CNTNAP3: variants seen among roughly 807,000 people sequenced by gnomAD.
The protein encoded by CNTNAP3 is contactin-associated protein-like 3.
CNTNAP3 carries 36 observed loss-of-function variants against 92.1 expected under a neutral mutation model. The ratio of observed to expected loss-of-function variants is 0.39; its 90% CI spans 0.30 to 0.52. The LOEUF (loss-of-function observed/expected upper bound fraction) is 0.52, where lower values mean the gene tolerates loss of function less well. CNTNAP3 is among the 20% of genes least tolerant of loss of function. The pLI, the probability that CNTNAP3 is intolerant of heterozygous loss-of-function variation, is 0.76. For synonymous variants in CNTNAP3, 232 were observed against 422.3 expected, an observed-to-expected ratio of 0.55 and a Z score of 5.53; for missense variants, 534 against 1,069.6, an observed-to-expected ratio of 0.50 and a Z score of 6.98.
chr9:39,133,008 G>T lies in CNTNAP3; in HGVS notation c.2004C>A (p.Ser668=). 1.3e-6 allele frequency: 2 copies of T among 1,539,736 alleles called. No homozygotes were observed. Among genetic ancestry groups the T allele is most frequent in the Non-Finnish European group, 1.7e-6 (2 of 1,150,490 alleles). ...AYAAGAGQLR[S]AVNLAERCEQ... ...CGCAGCGCTCCGCCAGGTTCACCGC[G>T]GACCGCAGCTGCCCCGCGCCCGCTG... is the stretch of plus-strand genomic sequence containing the variant. The change falls in exon 13 of 24, where the codon TCC becomes TCA. Residue 668 remains serine (S), a synonymous_variant. Transcript: ENST00000297668.
chr9:39,134,205 T>C (rs1821371902), intron 12 of CNTNAP3, among the ~76,000 whole-genome samples: 1 of 152,082 alleles, frequency 6.6e-6, no homozygotes, highest in Admixed American at 6.5e-5. Flanking sequence ...AATATCTCTT[T>C]AGTCACAGAA....
chr9:39,104,257 T>C (rs531477366), intron 15 of CNTNAP3, among the ~76,000 whole-genome samples: 1 of 152,072 alleles, frequency 6.6e-6, no homozygotes, highest in Non-Finnish European at 1.5e-5. Context: ...CTCGGTAAGA[T>C]GTGAGAAGAA....
chr9:39,137,478 G>T (rs1425654020), intron 12 of CNTNAP3, among the ~76,000 whole-genome samples: 1 of 151,886 alleles, frequency 6.6e-6, no homozygotes, highest in African/African-American at 2.4e-5. Context: ...TAATTCCAAT[G>T]TCCCTGCCAT....
chr9:39,088,048 A>G (rs2118426557), intron 19 of CNTNAP3, among the ~76,000 whole-genome samples: 1 of 152,266 alleles, frequency 6.6e-6, no homozygotes. Flanking sequence ...CATCCACATA[A>G]ATGCTCCTCT....
At chr9:39,098,149 T>C (rs1243518050) in intron 18 of CNTNAP3, among the ~76,000 whole-genome samples, 3 of 146,312 alleles carry the variant, frequency 2.1e-5, no homozygotes, top group Admixed American at 2.0e-4. Flanking sequence ...ACTGTCTGGA[T>C]AGAAAGGCTA....
intron 14 of CNTNAP3, among the ~76,000 whole-genome samples, chr9:39,115,753 A>C (rs12352235): frequency 0.015 from 2,220 of 152,074 alleles, 65 homozygotes; most frequent in African/African-American, 0.05. Context: ...ACGGTGCTGA[A>C]GTGACATGGC....
intron 14 of CNTNAP3, 102 bp from the exon 15 acceptor site, chr9:39,109,389 T>C (rs1826688319): frequency 1.3e-6 from 2 of 1,516,154 alleles, no homozygotes; most frequent in Non-Finnish European, 1.8e-6. Flanking sequence ...TCATAGAGCT[T>C]AACAGAATAC....
intron 13 of CNTNAP3, among the ~76,000 whole-genome samples, chr9:39,123,255 C>T (rs559906659): frequency 1.5e-3 from 221 of 151,916 alleles, no homozygotes; most frequent in African/African-American, 4.7e-3. Flanking sequence ...CCACCACGCC[C>T]GGCTAATTTT....
At chr9:39,146,173 T>C (rs1352904829) in intron 10 of CNTNAP3, among the ~76,000 whole-genome samples, 1 of 152,036 alleles carries the variant, frequency 6.6e-6, no homozygotes, top group African/African-American at 2.4e-5. Context: ...AGGAAGTAGC[T>C]AGCATGCAGA....
Position 39,100,825 on chromosome 9 carries a change from G to C in CNTNAP3, c.2756-675C>G, listed in dbSNP as rs534129098. Among the ~76,000 whole-genome samples, 117 of 149,086 alleles carry C rather than the reference G, an allele frequency of 7.8e-4. 1 individual carries two copies. The highest frequency in any genetic ancestry group is 2.7e-3 in the African/African-American group (110 of 40,750). On this transcript the variant is annotated intron_variant, in intron 17 of 23. Transcript: ENST00000297668. ...TAGAGAGGTTTACAACACCTGTGTA[G>C]TGACAAACACCATTATGAAGGCGAC...
intron 18 of CNTNAP3, among the ~76,000 whole-genome samples, chr9:39,091,171 C>CTTTTTTTTTTTTTTTT (rs201329360): frequency 2.3e-5 from 3 of 128,504 alleles, no homozygotes; most frequent in African/African-American, 5.7e-5. Flanking sequence ...TTTTCTTCTT[C>CTTTTTTTTTTTTTTTT]TTTTTTTTTT....
chr9:39,090,899 C>CTTTTGTTAAATGTATTGTA (rs1485379415), intron 18 of CNTNAP3, among the ~76,000 whole-genome samples: 1 of 152,238 alleles, frequency 6.6e-6, no homozygotes, highest in Non-Finnish European at 1.5e-5. Flanking sequence ...TTTTCCATTT[C>CTTTTGTTAAATGTATTGTA]TTTTGTTAAA....
intron 14 of CNTNAP3, among the ~76,000 whole-genome samples, chr9:39,114,065 TATAC>T (rs1243766555): frequency 1.1e-4 from 16 of 145,714 alleles, no homozygotes; most frequent in East Asian, 6.3e-4. Context: ...CATATATATA[TATAC>T]ACACACACAT....
At chr9:39,130,497 T>C (rs1486823204) in intron 13 of CNTNAP3, among the ~76,000 whole-genome samples, 1 of 126,286 alleles carries the variant, frequency 7.9e-6, no homozygotes, top group African/African-American at 2.8e-5. Flanking sequence ...GAGGAATTCT[T>C]TTTTTTTTTT....
chr9:39,113,576 T>C (rs1380850606), intron 14 of CNTNAP3, among the ~76,000 whole-genome samples: 3 of 151,932 alleles, frequency 2.0e-5, no homozygotes. Context: ...TCTGCCAGGT[T>C]TGTTTCTTTT....
rs938695311 is a variant in CNTNAP3, at chr9:39,098,124, A to C, written c.2995+1787T>G. On this transcript the variant is annotated intron_variant, in intron 18 of 23. Transcript: ENST00000297668. ...TTAGAAATGTTCTTTTATGCCAAAGATGTTTCTCAAATTTACTGTCTGGAT... is the reference window on the plus strand; with the variant it reads ...TTAGAAATGTTCTTTTATGCCAAAGCTGTTTCTCAAATTTACTGTCTGGAT... 4.7e-4 allele frequency among the ~76,000 whole-genome samples: 69 copies of C among 147,180 alleles called. 1 individual carries two copies. Among genetic ancestry groups the C allele is most frequent in the African/African-American group, 1.6e-3 (66 of 40,220 alleles).
chr9:39,098,918 T>C (rs1826387681), intron 18 of CNTNAP3, among the ~76,000 whole-genome samples: 1 of 151,894 alleles, frequency 6.6e-6, no homozygotes, highest in Admixed American at 6.6e-5. Context: ...ATTATAAATA[T>C]ATTAAATAAG....
At chr9:39,218,524 C>T (rs1189842244) in intron 3 of CNTNAP3, among the ~76,000 whole-genome samples, 1 of 6,054 alleles carries the variant, frequency 1.7e-4, no homozygotes, top group African/African-American at 1.8e-4. Flanking sequence ...CTCCACCTCC[C>T]GGGTTCACAG....
At chr9:39,074,319 G>A (rs1003194218) in intron 23 of CNTNAP3, among the ~76,000 whole-genome samples, 2 of 151,390 alleles carry the variant, frequency 1.3e-5, no homozygotes, top group Non-Finnish European at 2.9e-5. Flanking sequence ...GTGAGTTACC[G>A]TGCCTGGCCT....
Sources: gnomAD v4.1 joint callset for allele counts (sites outside exome capture counted in the v4.1 genomes callset) on GRCh38, gnomAD v4.1.1 for gene constraint, MANE v1.5 for transcripts, NCBI Gene and HGNC (gene_info 2026-07-23, HGNC 2026-07-21) for gene names.